TMEM198: variants seen among roughly 807,000 people sequenced by gnomAD.
TMEM198 encodes the protein transmembrane protein 198.
Under a neutral mutation model 31.5 loss-of-function variants are expected in TMEM198, and 21 were observed. That is an observed-to-expected ratio of 0.67 (90% CI 0.47 to 0.96). The LOEUF is 0.96. Ranked by LOEUF, TMEM198 falls within the 40% of genes least tolerant of loss-of-function variation. The pLI is 0.00. For synonymous variants in TMEM198, 211 were observed against 223.3 expected (o/e 0.95, Z 0.49); for missense variants, 447 against 499.4 (o/e 0.89, Z 1.00).
At chr2:219,548,651 AGAGT>A in intron 3 of TMEM198, among the ~76,000 whole-genome samples, 1 of 152,334 alleles carries the variant, frequency 6.6e-6, no homozygotes, top group Admixed American at 6.5e-5. Context: ...TGTGGGAGCC[AGAGT>A]GATTGCGTGG....
chr2:219,547,733 G>A lies in TMEM198; in HGVS notation c.394G>A (p.Ala132Thr). The stretch of plus-strand genomic sequence containing the variant: ...GCTGCTCGGCCTGCTGCTCGCAGCT[G>A]CTGCCCTGCTGGGCTCCGCACCCTA... The part of the protein sequence containing the change: ...GLLLGLLLAA[A>T]ALLGSAPYYQ... The change falls in exon 3 of 5, where the codon GCT (alanine) becomes ACT (threonine). Residue 132 changes from alanine to threonine, a missense_variant. Physicochemically the swap from Ala to Thr is moderately conservative, Grantham distance 58. Coordinates refer to ENST00000373883, the MANE Select transcript of TMEM198 (RefSeq NM_001005209.3). 1.3e-6 allele frequency: 2 copies of A among 1,589,998 alleles called. No homozygotes were observed. The highest frequency in any genetic ancestry group is 1.7e-6 in the Non-Finnish European group (2 of 1,173,504).
intron 3 of TMEM198, among the ~76,000 whole-genome samples, chr2:219,548,507 G>GGAGA (rs1559127620): frequency 6.6e-6 from 1 of 152,214 alleles, no homozygotes; most frequent in Non-Finnish European, 1.5e-5. Flanking sequence ...GAGGTGATAT[G>GGAGA]TAAGCAGGCA....
Position 219,544,085 on chromosome 2 carries a change from G to T in TMEM198, c.-332G>T, listed in dbSNP as rs763695635. The T allele has an allele frequency of 9.3e-6, 4 of 431,088 alleles. No homozygotes were observed. Among genetic ancestry groups the T allele is most frequent in the African/African-American group, 6.1e-5 (3 of 49,372 alleles). The allele number at this position is 431,088 out of a possible 1,614,324, so 26.7% of individuals were successfully genotyped here. A position where few individuals can be genotyped will look rare whatever the true frequency, so the allele number is the denominator to read the frequency against. On this transcript the variant is annotated 5_prime_UTR_variant, in exon 1 of 5. Coordinates refer to ENST00000373883, the MANE Select transcript of TMEM198 (RefSeq NM_001005209.3). ...ACCAAAGGCCGCGGGCGGGCTCAGG[G>T]CATGGGGCCGCGGTTCTGGGGCGGC...
Position 219,547,849 on chromosome 2 carries a change from A to G in TMEM198, c.510A>G (p.Pro170=), listed in dbSNP as rs977726654. The part of the protein sequence containing the change: ...CALLTLRWPR[P]LTTLATAVTG... ...TGCTCACTCTGCGCTGGCCCCGCCC[A>G]CTCACCACCCTGGCCACCGCCGTGA... The change falls in exon 3 of 5, where the codon CCA becomes CCG. Residue 170 remains proline (P), a synonymous_variant. Transcript: ENST00000373883. 1.3e-6 allele frequency: 2 copies of G among 1,586,424 alleles called. No individual in the cohort carries two copies. Among genetic ancestry groups the G allele is most frequent in the African/African-American group, 1.3e-5 (1 of 74,652 alleles).
chr2:219,543,719 T>C (rs115875860), upstream of TMEM198: 1 of 442,234 alleles, frequency 2.3e-6, no homozygotes. Context: ...GCGCCTCGAT[T>C]CCCCTCCAGC....
intron 4 of TMEM198, 88 bp from the exon 5 acceptor site, chr2:219,549,629 A>G: frequency 6.4e-7 from 1 of 1,572,810 alleles, no homozygotes; most frequent in Non-Finnish European, 8.7e-7. Flanking sequence ...AGTCTATAGA[A>G]GTGTCAGGCT....
Position 219,544,733 on chromosome 2 carries a change from G to A in TMEM198, c.6G>A (p.Pro2=). The A allele has an allele frequency of 1.2e-6, 2 of 1,613,576 alleles. No homozygotes were observed. The highest frequency in any genetic ancestry group is 2.7e-5 in the African/African-American group (2 of 75,046). The change falls in exon 2 of 5, where the codon CCG becomes CCA. Residue 2 remains proline (P), a synonymous_variant. Coordinates refer to ENST00000373883, the MANE Select transcript of TMEM198 (RefSeq NM_001005209.3). Reference sequence around the variant, plus strand: ...TCCCTTCTATTCCCAGCACTATGCCGGGGACTGTGGCAACACTGCGGTTCC... The same window carrying A: ...TCCCTTCTATTCCCAGCACTATGCCAGGGACTGTGGCAACACTGCGGTTCC... M[P]GTVATLRFQL...
intron 3 of TMEM198, among the ~76,000 whole-genome samples, chr2:219,548,556 A>G (rs1358070534): frequency 6.6e-6 from 1 of 152,180 alleles, no homozygotes; most frequent in Non-Finnish European, 1.5e-5. Flanking sequence ...AGAGCTAGAG[A>G]AGAGGGAACA....
In TMEM198 at chr2:219,548,003, G is replaced by A; in HGVS notation, c.664G>A (p.Ala222Thr). 6.3e-7 allele frequency: 1 copy of A among 1,589,354 alleles called. No individual in the cohort carries two copies. The highest frequency in any genetic ancestry group is 8.5e-7 in the Non-Finnish European group (1 of 1,172,292). ...CTGCTGGCGAAGCTGGGCCCTGCTG[G>A]CACTCTGGCCCCTGCTCAGCCTGAT... ...PLCWRSWALL[A>T]LWPLLSLMGV... The change falls in exon 3 of 5, where the codon GCA becomes ACA. Residue 222 changes from alanine to threonine, a missense_variant. Ala to Thr is a moderately conservative substitution (Grantham distance 58). Coordinates refer to ENST00000373883, the MANE Select transcript of TMEM198 (RefSeq NM_001005209.3).
chr2:219,543,796 C>A (rs544703195), upstream of TMEM198: 12 of 456,690 alleles, frequency 2.6e-5, no homozygotes, highest in Admixed American at 3.9e-4. Context: ...CGCAGCTGTC[C>A]GACGTGTCAC....
At chr2:219,549,127 T>G (rs1695469263) in intron 3 of TMEM198, 25 bp from the exon 4 acceptor site, 1 of 1,613,222 alleles carries the variant, frequency 6.2e-7, no homozygotes, top group East Asian at 2.2e-5. Context: ...TCCTCTGAGC[T>G]CCTTCTCTAC....
Position 219,544,260 on chromosome 2 carries a change from G to T in TMEM198, c.-157G>T. 4.3e-6 allele frequency: 2 copies of T among 468,312 alleles called. No homozygotes were observed. 29.0% of individuals were successfully genotyped at this position (468,312 alleles called of 1,614,324 possible). On this transcript the variant is annotated 5_prime_UTR_variant, in exon 1 of 5. Transcript: ENST00000373883. ...CTCCGGCCCAGCAGCCCCCTTCCTC[G>T]CACGACGGACTTTCCCTGGACCCCA...
At chr2:219,548,553 G>T (rs1207745113) in intron 3 of TMEM198, among the ~76,000 whole-genome samples, 1 of 152,230 alleles carries the variant, frequency 6.6e-6, no homozygotes, top group Non-Finnish European at 1.5e-5. Flanking sequence ...CAAAGAGCTA[G>T]AGAAGAGGGA....
In TMEM198 at chr2:219,549,808, C is replaced by A. The variant is rs749401533; in HGVS notation, c.1037C>A (p.Ser346Tyr). 17 of 1,613,972 alleles carry A rather than the reference C, an allele frequency of 1.1e-5. No homozygotes were observed. Among genetic ancestry groups the A allele is most frequent in the Non-Finnish European group, 1.4e-5 (17 of 1,180,026 alleles). Residue 346 changes from serine to tyrosine, a missense_variant, in exon 5 of 5, where the codon TCC becomes TAC. Physicochemically the swap from Ser to Tyr is moderately radical, Grantham distance 144. Coordinates refer to ENST00000373883, the MANE Select transcript of TMEM198 (RefSeq NM_001005209.3). ...ACAGATGCGGACTATGAGTATGGGT[C>A]CCGGGGACCTCTGACAGCCTGCTCA... ...SPTDADYEYG[S>Y]RGPLTACSGP...
At chr2:219,547,376 C>G in intron 2 of TMEM198, 130 bp from the exon 3 acceptor site, 1 of 726,848 alleles carries the variant, frequency 1.4e-6, no homozygotes, top group Non-Finnish European at 2.0e-6. Context: ...CTCCAGTGAC[C>G]CTCAATTCTC....
At chr2:219,548,995 G>T in intron 3 of TMEM198, 157 bp from the exon 4 acceptor site, 1 of 737,036 alleles carries the variant, frequency 1.4e-6, no homozygotes, top group South Asian at 1.8e-5. Context: ...CCTCTGAGAG[G>T]TAGGAGACCA....
In TMEM198 at chr2:219,550,542, ACT is replaced by A. The variant is rs1252512682; in HGVS notation, c.*691_*692del. On this transcript the variant is annotated 3_prime_UTR_variant, in exon 5 of 5. Coordinates refer to ENST00000373883, the MANE Select transcript of TMEM198 (RefSeq NM_001005209.3). ...CTCATGCTTCTGTCTCCCCCACCCC[ACT>A]CTGTTTTACATCTTTTATAAATGTG... 6.6e-6 allele frequency: 3 copies of A among 454,964 alleles called. No homozygotes were observed. The highest frequency in any genetic ancestry group is 1.2e-5 in the Non-Finnish European group (3 of 250,512). 28.2% of individuals were successfully genotyped at this position (454,964 alleles called of 1,614,324 possible).
chr2:219,544,672 A>C lies in TMEM198; in HGVS notation c.-39-17A>C, dbSNP rs1695354302. 1.9e-6 allele frequency: 3 copies of C among 1,595,214 alleles called. No homozygotes were observed. The highest frequency in any genetic ancestry group is 3.3e-5 in the Admixed American group (2 of 59,756). On this transcript the variant is annotated splice_polypyrimidine_tract_variant and intron_variant, in intron 1 of 4. Coordinates refer to ENST00000373883, the MANE Select transcript of TMEM198 (RefSeq NM_001005209.3). ...GGACCCAGGACTCCTCCGTGACCCC[A>C]ACTTTCCCTCTGTCAGGTTAACTTG...
chr2:219,546,085 C>T (rs562076583), intron 2 of TMEM198, among the ~76,000 whole-genome samples: 39 of 152,272 alleles, frequency 2.6e-4, no homozygotes, highest in Non-Finnish European at 4.9e-4. Context: ...GATGTCACTA[C>T]GCCCAGGCTC....
Sources: gnomAD v4.1 joint callset for allele counts (sites outside exome capture counted in the v4.1 genomes callset) on GRCh38, gnomAD v4.1.1 for gene constraint, MANE v1.5 for transcripts, NCBI Gene and HGNC (gene_info 2026-07-23, HGNC 2026-07-21) for gene names.